RGS6: variants seen among roughly 807,000 people sequenced by gnomAD.
The protein encoded by RGS6 is regulator of G protein signaling 6.
RGS6 carries 30 observed loss-of-function variants against 78.5 expected under a neutral mutation model. The ratio of observed to expected loss-of-function variants is 0.38; its 90% confidence interval spans 0.29 to 0.52. RGS6 has a LOEUF of 0.52. RGS6 is among the 20% of genes least tolerant of loss of function. The pLI, the probability that RGS6 is intolerant of heterozygous loss-of-function variation, is 0.85. For missense variants in RGS6, 495 were observed against 609.7 expected (o/e 0.81, Z 1.98); for synonymous variants, 206 against 206.0 (o/e 1.00, Z 0.00).
intron 2 of RGS6, among the ~76,000 whole-genome samples, chr14:72,086,207 A>G (rs1300738570): frequency 6.6e-6 from 1 of 152,212 alleles, no homozygotes; most frequent in Admixed American, 6.5e-5. Flanking sequence ...TGCCCTACTG[A>G]TAACATGATG....
At chr14:72,014,378 C>T (rs912898441) in intron 2 of RGS6, among the ~76,000 whole-genome samples, 14 of 152,170 alleles carry the variant, frequency 9.2e-5, no homozygotes, top group African/African-American at 2.2e-4. Context: ...CAAACATTTC[C>T]GGAATCCTTT....
chr14:72,232,430 G>T (rs2049884507), intron 2 of RGS6, among the ~76,000 whole-genome samples: 1 of 152,200 alleles, frequency 6.6e-6, no homozygotes, highest in Admixed American at 6.5e-5. Context: ...TTTCTTTTCT[G>T]AAACATTCTC....
chr14:72,080,491 T>C (rs1272717432), intron 2 of RGS6, among the ~76,000 whole-genome samples: 1 of 152,186 alleles, frequency 6.6e-6, no homozygotes, highest in Admixed American at 6.5e-5. Context: ...ACTTTGTTGT[T>C]TCCTTTGCTG....
rs149231507 is a variant in RGS6 at position 72,104,229 on chromosome 14, C to T, written c.84+139354C>T. ...CCTCTAGGTGGCGCTGTCGGGGATC[C>T]CCAGCTGTCCCACGTTGTCTTGCTT... On this transcript the variant is annotated intron_variant, in intron 2 of 17. Coordinates refer to ENST00000553525, the MANE Select transcript of RGS6 (RefSeq NM_001204424.2). 2.6e-5 allele frequency among the ~76,000 whole-genome samples: 4 copies of T among 152,250 alleles called. No homozygotes were observed. In the East Asian group the frequency reaches 5.8e-4, roughly 22 times the overall value.
chr14:72,204,798 G>C (rs1567463192), intron 2 of RGS6, among the ~76,000 whole-genome samples: 1 of 152,166 alleles, frequency 6.6e-6, no homozygotes, highest in Admixed American at 6.5e-5. Flanking sequence ...TTCAACATAT[G>C]AATTTCGGAG....
chr14:72,262,799 A>T (rs1162597198), intron 2 of RGS6, among the ~76,000 whole-genome samples: 1 of 152,194 alleles, frequency 6.6e-6, no homozygotes, highest in Admixed American at 6.5e-5. Flanking sequence ...CACATAGCAG[A>T]TGGCCAAGGG....
At chr14:72,593,369 C>T in the RGS6 span, among the ~76,000 whole-genome samples, 4 of 146,274 alleles carry the variant, frequency 2.7e-5, no homozygotes, top group Non-Finnish European at 6.1e-5. Flanking sequence ...AGATTCTGGT[C>T]GTCTATGTTT....
intron 2 of RGS6, among the ~76,000 whole-genome samples, chr14:72,139,147 C>G (rs773799334): frequency 6.6e-6 from 1 of 152,088 alleles, no homozygotes; most frequent in Non-Finnish European, 1.5e-5. Flanking sequence ...CTTGCAGAGA[C>G]GAAGCAACAT....
intron 2 of RGS6, among the ~76,000 whole-genome samples, chr14:72,243,970 T>C (rs1334404771): frequency 1.3e-5 from 2 of 152,192 alleles, no homozygotes; most frequent in Non-Finnish European, 2.9e-5. Flanking sequence ...TATTCATCAA[T>C]ATTTTTGTTG....
chr14:72,505,649 G>A (rs1428562443), intron 13 of RGS6, among the ~76,000 whole-genome samples: 2 of 152,234 alleles, frequency 1.3e-5, no homozygotes, highest in Non-Finnish European at 2.9e-5. Flanking sequence ...TGGAAAAAAA[G>A]AATAGGCTTT....
intron 2 of RGS6, among the ~76,000 whole-genome samples, chr14:72,111,844 C>T (rs979134131): frequency 3.3e-5 from 5 of 152,156 alleles, no homozygotes; most frequent in African/African-American, 1.2e-4. Context: ...ATTGTGTGCT[C>T]ATTAAGGTGG....
chr14:72,408,000 C>T (rs2093076389), intron 3 of RGS6, among the ~76,000 whole-genome samples: 1 of 152,194 alleles, frequency 6.6e-6, no homozygotes, highest in African/African-American at 2.4e-5. Context: ...CTCTGCTCCA[C>T]TGGAGAGAGT....
rs144684989 is a variant in RGS6 at position 72,052,524 on chromosome 14, CA to C, written c.84+87651del. Among the ~76,000 whole-genome samples the C allele has an allele frequency of 3.4e-3, 519 of 152,274 alleles. 5 individuals carry two copies. The highest frequency in any genetic ancestry group is 0.012 in the African/African-American group (498 of 41,554). ...GATCTACTTGTTTCCAGATGGTAGA[CA>C]AGGCTTATTCTGACACATGGACTGA... On this transcript the variant is annotated intron_variant, in intron 2 of 17. Transcript: ENST00000553525.
chr14:72,546,721 C>G (rs1226029209), intron 17 of RGS6, among the ~76,000 whole-genome samples: 1 of 152,200 alleles, frequency 6.6e-6, no homozygotes, highest in Non-Finnish European at 1.5e-5. Flanking sequence ...CCCAATGTGC[C>G]AAGCAGTCAA....
chr14:72,606,276 C>T, the RGS6 span, among the ~76,000 whole-genome samples: 2 of 152,158 alleles, frequency 1.3e-5, no homozygotes, highest in African/African-American at 4.8e-5. Context: ...ATACCTCGAT[C>T]TGCATGGCCC....
chr14:72,090,937 G>T (rs1179423918), intron 2 of RGS6, among the ~76,000 whole-genome samples: 1 of 152,018 alleles, frequency 6.6e-6, no homozygotes, highest in Admixed American at 6.6e-5. Flanking sequence ...TGGCCATCTG[G>T]GACTGAAGTC....
chr14:72,440,872 G>A (rs1044752653), intron 3 of RGS6, among the ~76,000 whole-genome samples: 45 of 152,164 alleles, frequency 3.0e-4, no homozygotes, highest in Non-Finnish European at 5.6e-4. Context: ...GGGCATATGT[G>A]AGGGTTGTGT....
intron 2 of RGS6, among the ~76,000 whole-genome samples, chr14:72,351,314 G>A (rs527432342): frequency 6.6e-5 from 10 of 152,002 alleles, no homozygotes; most frequent in Admixed American, 2.6e-4. Context: ...ACTCTGGCTC[G>A]TAAATTATTA....
intron 17 of RGS6, chr14:72,552,785 A>G (rs751456593): frequency 3.9e-5 from 6 of 152,238 alleles, no homozygotes; most frequent in Non-Finnish European, 8.8e-5. Flanking sequence ...CCTACTGCCT[A>G]TAGTACCGAC....
Sources: allele counts gnomAD v4.1 joint callset (sites outside exome capture counted in the v4.1 genomes callset), GRCh38; gene constraint gnomAD v4.1.1; transcripts MANE v1.5; gene names NCBI Gene and HGNC (gene_info 2026-07-23, HGNC 2026-07-21).